Variants in ARHGEF37 observed in about 807,000 individuals in gnomAD.
The protein encoded by ARHGEF37 is Rho guanine nucleotide exchange factor (GEF) 37.
In ARHGEF37, 55 loss-of-function variants were observed where a neutral mutation model predicts 71.1. That is an observed-to-expected ratio of 0.77 (90% CI 0.62 to 0.97). The LOEUF (loss-of-function observed/expected upper bound fraction) is 0.97. Ranked by LOEUF, ARHGEF37 falls within the 50% of genes least tolerant of loss-of-function variation. The probability of loss-of-function intolerance (pLI) is 0.00; values close to 1 mark genes in which losing one functional copy is unlikely to be tolerated. For missense variants in ARHGEF37, 765 were observed against 836.8 expected (o/e 0.91, Z 1.06); for synonymous variants, 327 against 350.6 (o/e 0.93, Z 0.75).
chr5:149,589,570 G>A (rs1763338742), intron 1 of ARHGEF37, among the ~76,000 whole-genome samples: 1 of 152,138 alleles, frequency 6.6e-6, no homozygotes. Flanking sequence ...CGAGATCTCA[G>A]CTCGCTGCAA....
At chr5:149,584,550 A>G (rs1763182707) in intron 1 of ARHGEF37, among the ~76,000 whole-genome samples, 1 of 151,966 alleles carries the variant, frequency 6.6e-6, no homozygotes, top group African/African-American at 2.4e-5. Context: ...AGTTTCTAAA[A>G]TATTGGGATG....
chr5:149,600,644 A>T (rs1029453104), intron 2 of ARHGEF37, among the ~76,000 whole-genome samples: 4 of 145,230 alleles, frequency 2.8e-5, no homozygotes, highest in Non-Finnish European at 4.5e-5. Flanking sequence ...AAAATACCTA[A>T]TTTTTTTTTT....
At chr5:149,611,288 G>A (rs951962164) in intron 4 of ARHGEF37, among the ~76,000 whole-genome samples, 4 of 152,244 alleles carry the variant, frequency 2.6e-5, no homozygotes, top group Non-Finnish European at 4.4e-5. Flanking sequence ...GAGATTGGGG[G>A]AGGAATAATA....
chr5:149,583,582 C>CT (rs1763160512), intron 1 of ARHGEF37, among the ~76,000 whole-genome samples: 1 of 152,178 alleles, frequency 6.6e-6, no homozygotes, highest in Admixed American at 6.5e-5. Flanking sequence ...CTTGGATCAG[C>CT]AGATTACTGT....
intron 1 of ARHGEF37, among the ~76,000 whole-genome samples, chr5:149,586,659 A>T (rs1437224808): frequency 2.0e-5 from 3 of 152,226 alleles, no homozygotes; most frequent in Non-Finnish European, 2.9e-5. Context: ...GGAGGTTTAG[A>T]CCCAGATGGT....
intron 3 of ARHGEF37, among the ~76,000 whole-genome samples, chr5:149,602,128 C>T (rs1763775881): frequency 6.6e-6 from 1 of 151,494 alleles, no homozygotes; most frequent in South Asian, 2.1e-4. Flanking sequence ...ATGATCTCGG[C>T]TCACTGCAAC....
upstream of ARHGEF37, among the ~76,000 whole-genome samples, chr5:149,579,242 A>G (rs1017771817): frequency 2.6e-5 from 4 of 152,084 alleles, no homozygotes; most frequent in African/African-American, 9.7e-5. Flanking sequence ...GCACATACAC[A>G]CTTTACAGGA....
intron 1 of ARHGEF37, among the ~76,000 whole-genome samples, chr5:149,552,829 A>C (rs750833987): frequency 2.1e-4 from 31 of 149,462 alleles, no homozygotes; most frequent in Non-Finnish European, 3.6e-4. Flanking sequence ...ACCCTGTCTC[A>C]AAAAAAAAAT....
At chr5:149,604,573 G>A (rs1178339473) in intron 3 of ARHGEF37, among the ~76,000 whole-genome samples, 1 of 151,876 alleles carries the variant, frequency 6.6e-6, no homozygotes, top group Non-Finnish European at 1.5e-5. Context: ...CTGTGTGCCA[G>A]GCCAGGCTGC....
chr5:149,577,787 T>G (rs1763043232), upstream of ARHGEF37, among the ~76,000 whole-genome samples: 1 of 152,222 alleles, frequency 6.6e-6, no homozygotes, highest in African/African-American at 2.4e-5. Flanking sequence ...CATTATACAT[T>G]TGGGAAACAG....
intron 4 of ARHGEF37, among the ~76,000 whole-genome samples, chr5:149,610,077 A>G (rs1414164523): frequency 6.6e-6 from 1 of 152,186 alleles, no homozygotes; most frequent in Non-Finnish European, 1.5e-5. Context: ...AAATAATATT[A>G]ATCACTTCTC....
At chr5:149,610,017 A>G (rs1289724430) in intron 4 of ARHGEF37, among the ~76,000 whole-genome samples, 2 of 152,250 alleles carry the variant, frequency 1.3e-5, no homozygotes, top group Non-Finnish European at 2.9e-5. Flanking sequence ...TGGCTTAAGT[A>G]AAAAGAGCTC....
At chr5:149,622,935 C>G (rs1315524332) in intron 9 of ARHGEF37, among the ~76,000 whole-genome samples, 1 of 152,206 alleles carries the variant, frequency 6.6e-6, no homozygotes, top group Non-Finnish European at 1.5e-5. Flanking sequence ...GTGTCACAGT[C>G]TCCAGCTCAG....
At chr5:149,567,728 T>C (rs756745072) in intron 1 of ARHGEF37, among the ~76,000 whole-genome samples, 2 of 152,262 alleles carry the variant, frequency 1.3e-5, no homozygotes, top group Non-Finnish European at 1.5e-5. Context: ...TGGGCTCCTA[T>C]GTTCTTTTAA....
At chr5:149,576,414 C>G (rs1227547898) in intron 1 of ARHGEF37, among the ~76,000 whole-genome samples, 2 of 152,144 alleles carry the variant, frequency 1.3e-5, no homozygotes, top group Non-Finnish European at 2.9e-5. Context: ...TGTCAGTTTT[C>G]TCATTTGTAG....
chr5:149,620,858 T>C (rs979127962), intron 8 of ARHGEF37, among the ~76,000 whole-genome samples: 141 of 146,042 alleles, frequency 9.7e-4, no homozygotes, highest in Non-Finnish European at 8.2e-4. Context: ...CTTTACACAA[T>C]TGCCACATCT....
In ARHGEF37 at chr5:149,632,523, C is replaced by T. The variant is rs1457884482; in HGVS notation, c.*332C>T. 5 of 296,864 alleles carry T rather than the reference C, an allele frequency of 1.7e-5. No individual in the cohort carries two copies. Among genetic ancestry groups the T allele is most frequent in the Admixed American group, 4.3e-5 (1 of 23,032 alleles). 18.4% of individuals were successfully genotyped at this position (296,864 alleles called of 1,614,324 possible). A position where few individuals can be genotyped will look rare whatever the true frequency, so the allele number is the denominator to read the frequency against. On this transcript the variant is annotated 3_prime_UTR_variant, in exon 13 of 13. Coordinates refer to ENST00000333677, the MANE Select transcript of ARHGEF37 (RefSeq NM_001001669.3). ...GGCCAGTCTTAGCTGTGCCTGCATCCGGGCCTGCCTGTGGGCGTGGGTCAC... is the reference window on the plus strand; with the variant it reads ...GGCCAGTCTTAGCTGTGCCTGCATCTGGGCCTGCCTGTGGGCGTGGGTCAC...
chr5:149,628,084 C>T (rs552337906), intron 11 of ARHGEF37, among the ~76,000 whole-genome samples: 1 of 152,248 alleles, frequency 6.6e-6, no homozygotes, highest in East Asian at 1.9e-4. Flanking sequence ...CATGAAACAG[C>T]ACTTCCATGA....
intron 1 of ARHGEF37, among the ~76,000 whole-genome samples, chr5:149,590,147 A>G (rs1763359778): frequency 6.6e-6 from 1 of 152,118 alleles, no homozygotes; most frequent in East Asian, 1.9e-4. Flanking sequence ...TGTTGAATGA[A>G]TGTGGGAATG....
Sources: gnomAD v4.1 joint callset for allele counts (sites outside exome capture counted in the v4.1 genomes callset) on GRCh38, gnomAD v4.1.1 for gene constraint, MANE v1.5 for transcripts, NCBI Gene and HGNC (gene_info 2026-07-23, HGNC 2026-07-21) for gene names.